Variants in ATP6V1H observed in about 807,000 individuals in gnomAD.
ATP6V1H encodes the protein V-type proton ATPase subunit H.
ATP6V1H carries 39 observed loss-of-function variants against 71.7 expected under a neutral mutation model. That is an observed-to-expected ratio of 0.54 (90% CI 0.42 to 0.71). ATP6V1H has a LOEUF of 0.71. Ranked by LOEUF, ATP6V1H falls within the 30% of genes least tolerant of loss-of-function variation. The pLI is 0.00. For synonymous variants in ATP6V1H, 192 were observed against 199.3 expected (o/e 0.96, Z 0.31); for missense variants, 509 against 594.9 (o/e 0.86, Z 1.50).
intron 4 of ATP6V1H, 25 bp from the exon 5 acceptor site, chr8:53,817,555 A>C (rs1380724122): frequency 3.5e-6 from 5 of 1,425,252 alleles, no homozygotes; most frequent in South Asian, 1.2e-5. Context: ...AAATGATATC[A>C]CCAGTCAGAA....
chr8:53,767,236 A>G (rs1340645202), intron 11 of ATP6V1H, among the ~76,000 whole-genome samples: 2 of 152,240 alleles, frequency 1.3e-5, no homozygotes, highest in Non-Finnish European at 2.9e-5. Flanking sequence ...TAATAATAAC[A>G]TATCAATATT....
chr8:53,803,396 C>G (rs1205907489), intron 7 of ATP6V1H, among the ~76,000 whole-genome samples: 2 of 151,912 alleles, frequency 1.3e-5, no homozygotes, highest in Non-Finnish European at 2.9e-5. Flanking sequence ...CAGACAACAG[C>G]CTTCAAAATG....
chr8:53,828,507 A>G (rs1563485297), intron 4 of ATP6V1H, among the ~76,000 whole-genome samples: 4 of 152,216 alleles, frequency 2.6e-5, no homozygotes, highest in Non-Finnish European at 4.4e-5. Context: ...CAGTAACAAG[A>G]TAACCATGGC....
intron 13 of ATP6V1H, among the ~76,000 whole-genome samples, chr8:53,729,168 G>A (rs756223344): frequency 1.3e-5 from 2 of 151,452 alleles, no homozygotes; most frequent in Non-Finnish European, 2.9e-5. Context: ...AGCACCACAT[G>A]TTTTTTTTGG....
At position 53,787,282 on chromosome 8, in the gene ATP6V1H, C is replaced by T. The variant is rs544844289; in HGVS notation, c.870+8365G>A. 2.0e-5 allele frequency among the ~76,000 whole-genome samples: 3 copies of T among 152,302 alleles called. No individual in the cohort carries two copies. The South Asian group carries it at 6.2e-4, about 32-fold the overall frequency. On this transcript the variant is annotated intron_variant, in intron 9 of 13. Coordinates refer to ENST00000359530, the MANE Select transcript of ATP6V1H (RefSeq NM_015941.4). The stretch of plus-strand genomic sequence containing the variant: ...TAGGCAAAGACGTTGAGGCAGAATT[C>T]CTGAAACAGGGGATAAGGGATAGAC...
chr8:53,818,791 A>C (rs1162674553), intron 4 of ATP6V1H, among the ~76,000 whole-genome samples: 1 of 152,264 alleles, frequency 6.6e-6, no homozygotes, highest in East Asian at 1.9e-4. Context: ...AGAAGTGATA[A>C]GGATGAAATG....
At chr8:53,818,431 G>C (rs1325905363) in intron 4 of ATP6V1H, among the ~76,000 whole-genome samples, 2 of 152,130 alleles carry the variant, frequency 1.3e-5, no homozygotes, top group African/African-American at 4.8e-5. Flanking sequence ...TTTAAATATA[G>C]TGGGGTTTTT....
chr8:53,834,620 T>C (rs1418635218), intron 2 of ATP6V1H, among the ~76,000 whole-genome samples: 1 of 151,958 alleles, frequency 6.6e-6, no homozygotes, highest in African/African-American at 2.4e-5. Context: ...GAAACGGGGT[T>C]TCACCATATT....
intron 13 of ATP6V1H, among the ~76,000 whole-genome samples, chr8:53,722,864 A>G (rs976836397): frequency 5.3e-5 from 8 of 152,242 alleles, no homozygotes; most frequent in Admixed American, 4.6e-4. Context: ...GAATCTGCGT[A>G]TAACATAAGA....
chr8:53,805,785 A>G (rs1343413896), intron 7 of ATP6V1H, among the ~76,000 whole-genome samples: 1 of 152,192 alleles, frequency 6.6e-6, no homozygotes, highest in Non-Finnish European at 1.5e-5. Flanking sequence ...AGTAATATTC[A>G]TATAATGAAA....
chr8:53,723,366 T>C (rs1246943933), intron 13 of ATP6V1H, among the ~76,000 whole-genome samples: 1 of 152,024 alleles, frequency 6.6e-6, no homozygotes. Context: ...CCTCTCACCA[T>C]GGCTGGATTG....
At chr8:53,805,266 T>C (rs1381053609) in intron 7 of ATP6V1H, among the ~76,000 whole-genome samples, 4 of 152,218 alleles carry the variant, frequency 2.6e-5, no homozygotes, top group African/African-American at 7.2e-5. Context: ...CACAGATTCA[T>C]GGTGAAAATG....
intron 13 of ATP6V1H, among the ~76,000 whole-genome samples, chr8:53,728,243 T>C (rs958757556): frequency 6.6e-6 from 1 of 152,246 alleles, no homozygotes; most frequent in Admixed American, 6.5e-5. Context: ...CTCTCCCAAC[T>C]CACCCCTTCA....
chr8:53,756,829 TA>T (rs1300624726), intron 11 of ATP6V1H, among the ~76,000 whole-genome samples, 173 bp from the exon 12 acceptor site: 1 of 152,232 alleles, frequency 6.6e-6, no homozygotes, highest in Non-Finnish European at 1.5e-5. Flanking sequence ...CCTTCAAACA[TA>T]TATAACAAGT....
chr8:53,817,369 CT>C (rs1384474681), intron 5 of ATP6V1H, 47 bp downstream of exon 5: 4 of 1,332,360 alleles, frequency 3.0e-6, no homozygotes, highest in Non-Finnish European at 4.2e-6. Context: ...GAGACCCTCT[CT>C]CTTTAAAAAA....
chr8:53,768,308 T>C (rs1808537902), intron 11 of ATP6V1H, among the ~76,000 whole-genome samples: 1 of 152,162 alleles, frequency 6.6e-6, no homozygotes, highest in Admixed American at 6.5e-5. Flanking sequence ...GATGTGGAGA[T>C]ATCAGAACCC....
chr8:53,743,287 C>T (rs1415442103), intron 13 of ATP6V1H, among the ~76,000 whole-genome samples: 1 of 152,142 alleles, frequency 6.6e-6, no homozygotes, highest in African/African-American at 2.4e-5. Flanking sequence ...CAACTGCATT[C>T]AGCTCCAAAA....
At chr8:53,799,945 T>C (rs1338372796) in intron 8 of ATP6V1H, among the ~76,000 whole-genome samples, 1 of 152,228 alleles carries the variant, frequency 6.6e-6, no homozygotes, top group African/African-American at 2.4e-5. Context: ...GTTTCCATTG[T>C]TTATAAGCCA....
At chr8:53,729,590 T>C (rs992982729) in intron 13 of ATP6V1H, among the ~76,000 whole-genome samples, 29 of 152,122 alleles carry the variant, frequency 1.9e-4, no homozygotes, top group African/African-American at 7.0e-4. Context: ...GTGCTGAAGC[T>C]CACCCTGCTG....
Sources: allele counts gnomAD v4.1 joint callset (sites outside exome capture counted in the v4.1 genomes callset), GRCh38; gene constraint gnomAD v4.1.1; transcripts MANE v1.5; gene names NCBI Gene and HGNC (gene_info 2026-07-23, HGNC 2026-07-21).